Variants in IQCM observed in about 807,000 individuals in gnomAD.
IQCM encodes the protein IQ domain-containing protein M.
In IQCM, 45 loss-of-function variants were observed where a neutral mutation model predicts 57.6. The observed-to-expected ratio is 0.78, with a 90% CI of 0.62 to 1.00. The LOEUF is 1.00. Among genes scored for constraint, IQCM ranks in the 50% least tolerant of loss-of-function variants. The pLI, the probability that IQCM is intolerant of heterozygous loss-of-function variation, is 0.00. For synonymous variants in IQCM, 148 were observed against 158.9 expected (o/e 0.93, Z 0.51); for missense variants, 468 against 511.6 (o/e 0.91, Z 0.82).
intron 9 of IQCM, among the ~76,000 whole-genome samples, chr4:149,575,258 G>A (rs1482212294): frequency 6.6e-6 from 1 of 151,898 alleles, no homozygotes; most frequent in African/African-American, 2.4e-5. Context: ...TGTTAAGTTT[G>A]AAAACAATGC....
At chr4:149,441,107 A>T (rs1735898688) in intron 12 of IQCM, among the ~76,000 whole-genome samples, 1 of 152,206 alleles carries the variant, frequency 6.6e-6, no homozygotes, top group Non-Finnish European at 1.5e-5. Flanking sequence ...GATAAAGTAT[A>T]TTTTAATCAA....
intron 13 of IQCM, among the ~76,000 whole-genome samples, chr4:149,356,376 A>G (rs1202341470): frequency 2.6e-5 from 4 of 152,040 alleles, no homozygotes; most frequent in Admixed American, 2.0e-4. Context: ...TTATGGTTTT[A>G]GGTCTAACAT....
chr4:149,463,760 A>C (rs2149714066), intron 12 of IQCM, among the ~76,000 whole-genome samples: 1 of 152,326 alleles, frequency 6.6e-6, no homozygotes, highest in Non-Finnish European at 1.5e-5. Context: ...AGGTAACTTA[A>C]AGCAAATATG....
intron 7 of IQCM, among the ~76,000 whole-genome samples, chr4:149,665,705 T>C (rs1354439764): frequency 6.6e-6 from 1 of 152,102 alleles, no homozygotes; most frequent in Non-Finnish European, 1.5e-5. Context: ...GAAGGTTCCA[T>C]CACACTAATT....
chr4:149,388,608 A>ATG (rs59710634), intron 13 of IQCM, among the ~76,000 whole-genome samples: 2 of 141,888 alleles, frequency 1.4e-5, no homozygotes, highest in Non-Finnish European at 1.5e-5. Flanking sequence ...ACACATATAT[A>ATG]GGCAAAGAAT....
intron 12 of IQCM, among the ~76,000 whole-genome samples, chr4:149,510,145 A>T (rs1744250225): frequency 6.6e-6 from 1 of 152,162 alleles, no homozygotes; most frequent in African/African-American, 2.4e-5. Flanking sequence ...TTAACACCAG[A>T]AATTACCACT....
intron 5 of IQCM, among the ~76,000 whole-genome samples, chr4:149,723,093 T>C (rs1257529602): frequency 2.6e-5 from 4 of 152,036 alleles, no homozygotes; most frequent in Non-Finnish European, 5.9e-5. Context: ...AGGTTGGTCA[T>C]TGTTGGTGTA....
intron 2 of IQCM, among the ~76,000 whole-genome samples, chr4:149,771,695 T>C (rs1770596233): frequency 6.6e-6 from 1 of 152,140 alleles, no homozygotes; most frequent in Non-Finnish European, 1.5e-5. Context: ...TGTGTGTGTG[T>C]CTGTACTTGT....
chr4:149,405,828 C>CATATATAT (rs55914421), intron 13 of IQCM, among the ~76,000 whole-genome samples: 9 of 135,404 alleles, frequency 6.6e-5, no homozygotes, highest in Admixed American at 3.0e-4. Flanking sequence ...TCCTAAGGAG[C>CATATATAT]ATATATATAT....
intron 10 of IQCM, among the ~76,000 whole-genome samples, chr4:149,562,109 G>A (rs978242790): frequency 2.6e-5 from 4 of 152,170 alleles, no homozygotes; most frequent in Admixed American, 2.0e-4. Context: ...CAGGGAGGTC[G>A]TGTGTACTAT....
chr4:149,694,569 C>T (rs1763197796), intron 5 of IQCM, among the ~76,000 whole-genome samples: 7 of 151,960 alleles, frequency 4.6e-5, no homozygotes, highest in Admixed American at 4.6e-4. Flanking sequence ...CAAAAAACAG[C>T]ATCTCTATTT....
intron 5 of IQCM, chr4:149,690,835 T>A (rs1242849549): frequency 6.6e-6 from 1 of 152,148 alleles, no homozygotes; most frequent in East Asian, 1.9e-4. Context: ...CTGTGATTAG[T>A]CTGTTTACTC....
chr4:149,478,182 A>G (rs1254617104), intron 12 of IQCM, among the ~76,000 whole-genome samples: 2 of 152,174 alleles, frequency 1.3e-5, no homozygotes, highest in African/African-American at 2.4e-5. Context: ...CCTGAGGCTT[A>G]GTCAAAGAAC....
rs1579165931 is a variant in IQCM at position 149,469,687 on chromosome 4, T to G, written c.1229-36130A>C. Among the ~76,000 whole-genome samples the G allele has an allele frequency of 2.6e-5, 4 of 152,076 alleles. No homozygotes were observed. The East Asian group carries it at 7.7e-4, about 29-fold the overall frequency. On this transcript the variant is annotated intron_variant, in intron 12 of 13. Transcript: ENST00000636793. ...ACATAATTGTCAGATTCACCAAAGT[T>G]GAAATGAAGGAAAAAATGTTAAGGG...
chr4:149,668,397 A>C (rs2150170940), intron 7 of IQCM, among the ~76,000 whole-genome samples: 1 of 152,330 alleles, frequency 6.6e-6, no homozygotes, highest in East Asian at 1.9e-4. Flanking sequence ...TGTCACCACC[A>C]GGCCTGCCTT....
chr4:149,791,794 C>T (rs1772644446), intron 2 of IQCM, among the ~76,000 whole-genome samples: 1 of 152,006 alleles, frequency 6.6e-6, no homozygotes, highest in Non-Finnish European at 1.5e-5. Context: ...AGCATCAAAG[C>T]TTCAGAATCC....
intron 13 of IQCM, among the ~76,000 whole-genome samples, chr4:149,408,677 T>G (rs1025648307): frequency 6.6e-6 from 1 of 152,220 alleles, no homozygotes; most frequent in Admixed American, 6.5e-5. Flanking sequence ...TGTTTATGTA[T>G]GTGTACACAT....
At chr4:149,633,983 T>G (rs1376525185) in intron 7 of IQCM, among the ~76,000 whole-genome samples, 1 of 152,110 alleles carries the variant, frequency 6.6e-6, no homozygotes, top group Non-Finnish European at 1.5e-5. Flanking sequence ...ATTCTCAGCT[T>G]TATCTTTTTC....
intron 12 of IQCM, among the ~76,000 whole-genome samples, chr4:149,451,154 G>A (rs943220385): frequency 2.6e-5 from 4 of 151,694 alleles, no homozygotes; most frequent in Middle Eastern, 3.2e-3. Flanking sequence ...AACTCATGGA[G>A]ATAGAGAGTA....
Sources: allele counts gnomAD v4.1 joint callset (sites outside exome capture counted in the v4.1 genomes callset), GRCh38; gene constraint gnomAD v4.1.1; transcripts MANE v1.5; gene names NCBI Gene and HGNC (gene_info 2026-07-23, HGNC 2026-07-21).